The following TBC1D15 variants were observed in gnomAD, a reference collection of about 807,000 sequenced individuals.
TBC1D15 encodes the protein TBC1 domain family member 15.
Under a neutral mutation model 95.4 loss-of-function variants are expected in TBC1D15, and 39 were observed. The observed-to-expected ratio is 0.41, with a 90% confidence interval of 0.32 to 0.53. The LOEUF is 0.53. Among genes scored for constraint, TBC1D15 ranks in the 20% least tolerant of loss-of-function variants. The probability of loss-of-function intolerance (pLI) is 0.29; values close to 1 mark genes in which losing one functional copy is unlikely to be tolerated. For synonymous variants in TBC1D15, 258 were observed against 261.3 expected, an observed-to-expected ratio of 0.99 and a Z score of 0.12; for missense variants, 733 against 794.3, an observed-to-expected ratio of 0.92 and a Z score of 0.93.
chr12:71,861,618 G>A, intron 1 of TBC1D15: 1 of 812,800 alleles, frequency 1.2e-6, no homozygotes, highest in Non-Finnish European at 1.7e-6. Context: ...GTAATGGTTT[G>A]TCAATTTTGG....
chr12:71,875,767 C>T (rs1005853868), intron 3 of TBC1D15, among the ~76,000 whole-genome samples: 2 of 151,728 alleles, frequency 1.3e-5, no homozygotes, highest in Admixed American at 6.6e-5. Context: ...TCAATATTTT[C>T]TCATAATTTT....
chr12:71,887,638 A>C (rs539947943), intron 5 of TBC1D15, among the ~76,000 whole-genome samples: 3 of 152,182 alleles, frequency 2.0e-5, no homozygotes, highest in African/African-American at 7.2e-5. Context: ...GTCTCCATTT[A>C]ATGTCACTTC....
intron 10 of TBC1D15, among the ~76,000 whole-genome samples, chr12:71,905,639 C>A (rs1031102059): frequency 6.6e-6 from 1 of 151,846 alleles, no homozygotes; most frequent in Non-Finnish European, 1.5e-5. Context: ...TTTGACATTT[C>A]TAATTGCAAT....
chr12:71,912,151 C>A (rs535053760), intron 11 of TBC1D15, among the ~76,000 whole-genome samples: 1 of 152,212 alleles, frequency 6.6e-6, no homozygotes, highest in African/African-American at 2.4e-5. Flanking sequence ...TTCACTGTGT[C>A]AGGTAGGAAA....
intron 1 of TBC1D15, among the ~76,000 whole-genome samples, chr12:71,863,522 G>T (rs952217088): frequency 6.6e-6 from 1 of 152,144 alleles, no homozygotes; most frequent in African/African-American, 2.4e-5. Flanking sequence ...ACCTTTTTAG[G>T]TTGAATCTAT....
chr12:71,896,008 C>G lies in TBC1D15; in HGVS notation c.917C>G (p.Thr306Ser). Reference protein sequence around the residue: ...RREPVSLEEWTKNIDSEGRIL... With the variant: ...RREPVSLEEWSKNIDSEGRIL... The stretch of plus-strand genomic sequence containing the variant: ...GAACCGGTATCACTGGAAGAATGGA[C>G]TAAGAACATTGATTCTGAAGGAAGA... The change falls in exon 8 of 17, where the codon ACT becomes AGT. Residue 306 changes from threonine to serine, a missense_variant. Physicochemically the swap from Thr to Ser is moderately conservative, Grantham distance 58. Transcript: ENST00000485960. 1 of 1,612,446 alleles carries G rather than the reference C, an allele frequency of 6.2e-7. No individual in the cohort carries two copies. The highest frequency in any genetic ancestry group is 8.5e-7 in the Non-Finnish European group (1 of 1,178,848).
intron 6 of TBC1D15, among the ~76,000 whole-genome samples, chr12:71,894,044 G>T (rs956215679): frequency 3.3e-5 from 5 of 151,876 alleles, no homozygotes; most frequent in African/African-American, 1.2e-4. Context: ...ATTGTGAAAA[G>T]AATTATTTAA....
At chr12:71,864,313 T>C (rs554484809) in intron 1 of TBC1D15, among the ~76,000 whole-genome samples, 2 of 152,162 alleles carry the variant, frequency 1.3e-5, no homozygotes, top group Non-Finnish European at 2.9e-5. Context: ...CATGATCTGC[T>C]CACCTCAGCC....
intron 11 of TBC1D15, 69 bp from the exon 12 acceptor site, chr12:71,913,757 A>C: frequency 1.0e-6 from 1 of 1,000,084 alleles, no homozygotes; most frequent in Non-Finnish European, 1.5e-6. Context: ...AATGGTGGTG[A>C]TATGCACAAC....
At chr12:71,918,382 A>C in intron 13 of TBC1D15, 69 bp from the exon 14 acceptor site, 4 of 1,011,548 alleles carry the variant, frequency 4.0e-6, no homozygotes, top group Non-Finnish European at 5.8e-6. Context: ...AAAGTTAGAG[A>C]AAAGTAACTG....
At chr12:71,855,971 A>G (rs1035787257) in intron 1 of TBC1D15, among the ~76,000 whole-genome samples, 8 of 151,696 alleles carry the variant, frequency 5.3e-5, no homozygotes, top group Admixed American at 2.0e-4. Flanking sequence ...TCAAATTTCA[A>G]TTTAAATTCA....
rs1870157359 is a variant in TBC1D15, at chr12:71,923,326, C to T, written c.*122C>T. Reference sequence around the variant, plus strand: ...TTAAGGTTTATGTAAAGAAAGTGTACTGATGTTCTTACATTAAAGCTTTAC... The same window carrying T: ...TTAAGGTTTATGTAAAGAAAGTGTATTGATGTTCTTACATTAAAGCTTTAC... On this transcript the variant is annotated 3_prime_UTR_variant, in exon 17 of 17. Transcript: ENST00000485960. The T allele has an allele frequency of 1.2e-6, 1 of 826,514 alleles. No homozygotes were observed. Among genetic ancestry groups the T allele is most frequent in the African/African-American group, 1.7e-5 (1 of 58,444 alleles). 51.2% of individuals were successfully genotyped at this position (826,514 alleles called of 1,614,324 possible). A position where few individuals can be genotyped will look rare whatever the true frequency, so the allele number is the denominator to read the frequency against.
At chr12:71,850,673 A>G (rs1226173287) in intron 1 of TBC1D15, among the ~76,000 whole-genome samples, 1 of 152,108 alleles carries the variant, frequency 6.6e-6, no homozygotes, top group Non-Finnish European at 1.5e-5. Flanking sequence ...GGGCCTCTGT[A>G]TTAGTTTTCA....
At chr12:71,907,922 G>A (rs1901162551) in intron 11 of TBC1D15, 1 of 152,320 alleles carries the variant, frequency 6.6e-6, no homozygotes, top group South Asian at 2.1e-4. Context: ...TGTAATCCCA[G>A]CACTTCAGGA....
intron 7 of TBC1D15, among the ~76,000 whole-genome samples, chr12:71,895,094 C>T (rs1897905155): frequency 6.6e-6 from 1 of 152,018 alleles, no homozygotes; most frequent in South Asian, 2.1e-4. Flanking sequence ...AATGTTGGAT[C>T]TCTCTTCTTT....
At chr12:71,895,678 G>A (rs1306605879) in intron 7 of TBC1D15, among the ~76,000 whole-genome samples, 2 of 152,034 alleles carry the variant, frequency 1.3e-5, no homozygotes, top group Non-Finnish European at 2.9e-5. Context: ...ACCCAAAATA[G>A]TAAAGAGCTT....
chr12:71,912,156 A>G (rs549558690), intron 11 of TBC1D15, among the ~76,000 whole-genome samples: 3 of 152,188 alleles, frequency 2.0e-5, no homozygotes, highest in Non-Finnish European at 4.4e-5. Context: ...TGTGTCAGGT[A>G]GGAAAGTTCT....
intron 1 of TBC1D15, among the ~76,000 whole-genome samples, chr12:71,843,520 A>G (rs1479718305): frequency 3.9e-5 from 6 of 152,196 alleles, no homozygotes; most frequent in African/African-American, 1.2e-4. Context: ...TAACTAGGGT[A>G]TAATAGGAGT....
rs1299995682 is a variant in TBC1D15 at position 71,915,410 on chromosome 12, T to G, written c.1401+1484T>G. On this transcript the variant is annotated intron_variant, in intron 12 of 16. Transcript: ENST00000485960. ...TTTGTAGAATAAACATGTGAATCTTTCCCCAGTGATTAGTTTAAATTGCTA... is the reference window on the plus strand; with the variant it reads ...TTTGTAGAATAAACATGTGAATCTTGCCCCAGTGATTAGTTTAAATTGCTA... Among the ~76,000 whole-genome samples the G allele has an allele frequency of 1.3e-5, 2 of 148,284 alleles. 1 individual carries two copies. The highest frequency in any genetic ancestry group is 3.0e-5 in the Non-Finnish European group (2 of 67,528).
Sources: allele counts gnomAD v4.1 joint callset (sites outside exome capture counted in the v4.1 genomes callset), GRCh38; gene constraint gnomAD v4.1.1; transcripts MANE v1.5; gene names NCBI Gene and HGNC (gene_info 2026-07-23, HGNC 2026-07-21).